CEP128: variants seen among roughly 807,000 people sequenced by gnomAD.
CEP128 encodes the protein centrosomal protein 128.
Under a neutral mutation model 156.7 loss-of-function variants are expected in CEP128, and 132 were observed. The ratio of observed to expected loss-of-function variants is 0.84; its 90% CI spans 0.73 to 0.97. The LOEUF is 0.97. CEP128 is among the 50% of genes least tolerant of loss of function. CEP128 has a pLI of 0.00. For synonymous variants in CEP128, 469 were observed against 448.9 expected, an observed-to-expected ratio of 1.04 and a Z score of -0.57; for missense variants, 1,252 against 1,281.9, an observed-to-expected ratio of 0.98 and a Z score of 0.36.
At chr14:80,894,543 T>C (rs1400903080) in intron 8 of CEP128, 1 of 400,470 alleles carries the variant, frequency 2.5e-6, no homozygotes, top group East Asian at 7.1e-5. Flanking sequence ...AATCTAGAAC[T>C]TTATGCAAAA....
chr14:80,957,688 G>C (rs997725474), intron 2 of CEP128: 1 of 152,142 alleles, frequency 6.6e-6, no homozygotes, highest in African/African-American at 2.4e-5. Context: ...AGAAAGAAAG[G>C]GTAATGGAGA....
intron 8 of CEP128, among the ~76,000 whole-genome samples, chr14:80,884,462 T>C (rs1043975866): frequency 6.6e-6 from 1 of 152,130 alleles, no homozygotes; most frequent in African/African-American, 2.4e-5. Flanking sequence ...GGTATCAAGT[T>C]CATCTCATTG....
chr14:80,775,889 G>A (rs1900761144), intron 16 of CEP128, among the ~76,000 whole-genome samples: 2 of 152,200 alleles, frequency 1.3e-5, no homozygotes, highest in South Asian at 2.1e-4. Context: ...CTGGAGTGCA[G>A]TGGCACGATC....
In CEP128 at chr14:80,659,462, C is replaced by T. The variant is rs571493501; in HGVS notation, c.2807-79039G>A. Reference sequence around the variant, plus strand: ...TATATTTGTTAAATGAATAAAGACACGCATGCATTGGTATGCAAGTAGAAA... The same window carrying T: ...TATATTTGTTAAATGAATAAAGACATGCATGCATTGGTATGCAAGTAGAAA... On this transcript the variant is annotated intron_variant, in intron 19 of 24. Coordinates refer to ENST00000555265, the MANE Select transcript of CEP128 (RefSeq NM_152446.5). Among the ~76,000 whole-genome samples, 9 of 152,244 alleles carry T rather than the reference C, an allele frequency of 5.9e-5. No homozygotes were observed. In the South Asian group the frequency reaches 8.3e-4, roughly 14 times the overall value.
At chr14:80,914,502 G>A (rs1884435983) in intron 3 of CEP128, 94 bp from the exon 4 acceptor site, 1 of 883,580 alleles carries the variant, frequency 1.1e-6, no homozygotes, top group Non-Finnish European at 1.9e-6. Context: ...TCAACAGTTT[G>A]TAAAATGTAC....
At chr14:80,809,033 AC>A (rs67444386) in intron 13 of CEP128, among the ~76,000 whole-genome samples, 14,929 of 152,230 alleles carry the variant, frequency 0.098, 1,248 homozygotes, top group East Asian at 0.44. Context: ...AAGGAAATTC[AC>A]AAAATTCTGA....
chr14:80,529,891 T>C (rs529314259), intron 22 of CEP128, among the ~76,000 whole-genome samples: 5 of 152,224 alleles, frequency 3.3e-5, no homozygotes, highest in Admixed American at 6.5e-5. Flanking sequence ...CAAAAGATGC[T>C]TAATGCAAGG....
chr14:80,941,308 G>C (rs1404979602), intron 1 of CEP128, among the ~76,000 whole-genome samples: 2 of 152,200 alleles, frequency 1.3e-5, no homozygotes, highest in Non-Finnish European at 2.9e-5. Context: ...AGAGCAAGCT[G>C]CTCCCAAAGG....
intron 19 of CEP128, among the ~76,000 whole-genome samples, chr14:80,638,107 AT>A (rs1294012172): frequency 6.6e-6 from 1 of 152,138 alleles, no homozygotes; most frequent in Non-Finnish European, 1.5e-5. Flanking sequence ...AACTAAACGA[AT>A]ACACTCTCCT....
At chr14:80,607,886 C>T (rs1892848659) in intron 19 of CEP128, among the ~76,000 whole-genome samples, 1 of 152,172 alleles carries the variant, frequency 6.6e-6, no homozygotes, top group African/African-American at 2.4e-5. Flanking sequence ...AGATATCCAA[C>T]CAACCTTTCC....
At chr14:80,892,716 C>A (rs1285359044) in intron 8 of CEP128, among the ~76,000 whole-genome samples, 1 of 149,542 alleles carries the variant, frequency 6.7e-6, no homozygotes, top group East Asian at 1.9e-4. Flanking sequence ...AACAAATAAT[C>A]CAATTTTTTT....
At chr14:80,586,052 T>C (rs1452578679) in intron 19 of CEP128, among the ~76,000 whole-genome samples, 1 of 152,102 alleles carries the variant, frequency 6.6e-6, no homozygotes, top group Non-Finnish European at 1.5e-5. Context: ...ACCCAGTTAT[T>C]GGAATCATTG....
intron 2 of CEP128, among the ~76,000 whole-genome samples, chr14:80,950,962 A>G (rs957154397): frequency 6.6e-6 from 1 of 151,906 alleles, no homozygotes; most frequent in Non-Finnish European, 1.5e-5. Context: ...TTGACATAAG[A>G]TTTGTCCTTG....
intron 2 of CEP128, among the ~76,000 whole-genome samples, chr14:80,938,849 C>T (rs148244622): frequency 6.6e-6 from 1 of 152,092 alleles, no homozygotes; most frequent in Non-Finnish European, 1.5e-5. Flanking sequence ...AATAACTGCA[C>T]ACTGTGCCAT....
intron 6 of CEP128, among the ~76,000 whole-genome samples, chr14:80,900,308 G>A (rs779566457): frequency 6.6e-6 from 1 of 152,006 alleles, no homozygotes; most frequent in Non-Finnish European, 1.5e-5. Context: ...CTTAATCAGA[G>A]CAAAAGAAAA....
chr14:80,497,449 C>G lies in CEP128; in HGVS notation c.*30G>C. On this transcript the variant is annotated 3_prime_UTR_variant, in exon 25 of 25. Transcript: ENST00000555265. ...GAGATGTTATTATTTGTAACATACTCATGTAAAATAACAAATTACATTTGC... is the reference window on the plus strand; with the variant it reads ...GAGATGTTATTATTTGTAACATACTGATGTAAAATAACAAATTACATTTGC... 1 of 1,385,276 alleles carries G rather than the reference C, an allele frequency of 7.2e-7. No homozygotes were observed. The highest frequency in any genetic ancestry group is 1.0e-6 in the Non-Finnish European group (1 of 976,694). The allele number at this position is 1,385,276 out of a possible 1,614,324, so 85.8% of individuals were successfully genotyped here.
chr14:80,819,215 G>C (rs1286980509), intron 13 of CEP128, among the ~76,000 whole-genome samples: 1 of 147,820 alleles, frequency 6.8e-6, no homozygotes, highest in Non-Finnish European at 1.5e-5. Context: ...AGGAAAAGCA[G>C]CAAGCCAGCT....
intron 23 of CEP128, among the ~76,000 whole-genome samples, chr14:80,507,073 T>C (rs4903919): frequency 0.81 from 122,391 of 151,498 alleles, 50,880 homozygotes; most frequent in Middle Eastern, 0.91. Context: ...TGCCTGTGCC[T>C]GCTTCACCTT....
intron 20 of CEP128, among the ~76,000 whole-genome samples, chr14:80,573,030 C>G (rs1169753532): frequency 1.3e-5 from 2 of 152,114 alleles, no homozygotes; most frequent in African/African-American, 4.8e-5. Flanking sequence ...TCAAGCGATT[C>G]TCCTGGCTCA....
Sources: gnomAD v4.1 joint callset for allele counts (sites outside exome capture counted in the v4.1 genomes callset) on GRCh38, gnomAD v4.1.1 for gene constraint, MANE v1.5 for transcripts, NCBI Gene and HGNC (gene_info 2026-07-23, HGNC 2026-07-21) for gene names.